Variants in TMEFF2 observed in about 807,000 individuals in gnomAD.
TMEFF2 encodes transmembrane protein with EGF like and two follistatin like domains 2, also known as tomoregulin-2.
Under a neutral mutation model 53.8 loss-of-function variants are expected in TMEFF2, and 28 were observed. The observed-to-expected ratio is 0.52, with a 90% confidence interval of 0.39 to 0.71. TMEFF2 has a LOEUF of 0.71. Among genes scored for constraint, TMEFF2 ranks in the 30% least tolerant of loss-of-function variants. The pLI is 0.00. For missense variants in TMEFF2, 353 were observed against 455.2 expected (o/e 0.78, Z 2.04); for synonymous variants, 162 against 166.3 (o/e 0.97, Z 0.20).
chr2:192,038,067 C>G (rs1338864643), intron 5 of TMEFF2: 1 of 152,196 alleles, frequency 6.6e-6, no homozygotes, highest in Non-Finnish European at 1.5e-5. Flanking sequence ...CACATGACTT[C>G]ATATATGTTC....
chr2:191,994,297 G>T (rs892966938), intron 7 of TMEFF2, among the ~76,000 whole-genome samples: 2 of 151,760 alleles, frequency 1.3e-5, no homozygotes, highest in Admixed American at 1.3e-4. Flanking sequence ...TCCAAACTCT[G>T]AAAACTGGTG....
At chr2:192,062,978 T>G (rs56232931) in intron 4 of TMEFF2, among the ~76,000 whole-genome samples, 50,304 of 151,444 alleles carry the variant, frequency 0.33, 8,641 homozygotes, top group Middle Eastern at 0.38. Context: ...GTTTTTTTTT[T>G]TTGTTGTTGT....
At chr2:192,183,427 T>C (rs1380541581) in intron 3 of TMEFF2, among the ~76,000 whole-genome samples, 1 of 152,076 alleles carries the variant, frequency 6.6e-6, no homozygotes, top group African/African-American at 2.4e-5. Flanking sequence ...TTTGAATAAA[T>C]AGACTTTTCA....
intron 4 of TMEFF2, among the ~76,000 whole-genome samples, chr2:192,165,993 T>G (rs554282213): frequency 2.7e-4 from 41 of 152,272 alleles, no homozygotes; most frequent in Non-Finnish European, 5.0e-4. Context: ...ATTTGCCCAG[T>G]CCTCGGGTGT....
intron 4 of TMEFF2, among the ~76,000 whole-genome samples, chr2:192,068,761 G>A (rs1473193560): frequency 6.6e-6 from 1 of 151,770 alleles, no homozygotes; most frequent in African/African-American, 2.4e-5. Context: ...CTTCTAAGTC[G>A]AGGTAAAGAA....
Position 192,057,782 on chromosome 2 carries a change from G to A in TMEFF2, c.440-7C>T. 1 of 1,609,596 alleles carries A rather than the reference G, an allele frequency of 6.2e-7. No individual in the cohort carries two copies. ...TCTCCAGAGCCTTCATGGACTGTAG[G>A]ACAGAAAAACAGTAAAAGGAATTCA... On this transcript the variant is annotated splice_polypyrimidine_tract_variant and splice_region_variant and intron_variant, in intron 4 of 9. Coordinates refer to ENST00000272771, the MANE Select transcript of TMEFF2 (RefSeq NM_016192.4).
At chr2:192,119,706 T>C (rs1689502294) in intron 4 of TMEFF2, among the ~76,000 whole-genome samples, 1 of 152,206 alleles carries the variant, frequency 6.6e-6, no homozygotes, top group African/African-American at 2.4e-5. Context: ...TGCTTTAACT[T>C]TGACAGTACA....
chr2:192,034,368 G>A (rs1399753138), intron 5 of TMEFF2, among the ~76,000 whole-genome samples: 1 of 151,974 alleles, frequency 6.6e-6, no homozygotes, highest in Non-Finnish European at 1.5e-5. Context: ...CAAAGATTGA[G>A]CTGAAAAATA....
intron 4 of TMEFF2, among the ~76,000 whole-genome samples, chr2:192,107,027 CG>C (rs1378588110): frequency 6.6e-6 from 1 of 151,400 alleles, no homozygotes. Flanking sequence ...GTAAAATGTA[CG>C]GTTTATTTTA....
intron 7 of TMEFF2, among the ~76,000 whole-genome samples, chr2:191,961,596 T>G (rs1692275685): frequency 6.6e-6 from 1 of 152,186 alleles, no homozygotes; most frequent in South Asian, 2.1e-4. Context: ...CTGTTCTCCT[T>G]ATATTTACAT....
chr2:192,127,854 C>G (rs1335749101), intron 4 of TMEFF2, among the ~76,000 whole-genome samples: 1 of 152,148 alleles, frequency 6.6e-6, no homozygotes, highest in Non-Finnish European at 1.5e-5. Flanking sequence ...AATGTTCTAT[C>G]TACTCAACTT....
At chr2:191,970,352 C>T (rs1692601277) in intron 7 of TMEFF2, among the ~76,000 whole-genome samples, 1 of 151,848 alleles carries the variant, frequency 6.6e-6, no homozygotes, top group African/African-American at 2.4e-5. Flanking sequence ...AGAATGTAAT[C>T]TTATTTGGAA....
intron 4 of TMEFF2, among the ~76,000 whole-genome samples, chr2:192,137,398 A>G (rs1452624407): frequency 2.6e-5 from 4 of 152,228 alleles, no homozygotes; most frequent in Admixed American, 6.5e-5. Flanking sequence ...AGTGTGCTAC[A>G]AAGTAGGCAG....
intron 4 of TMEFF2, among the ~76,000 whole-genome samples, chr2:192,110,952 T>TTC (rs752319712): frequency 3.9e-5 from 6 of 152,160 alleles, no homozygotes; most frequent in African/African-American, 1.4e-4. Context: ...TTTGCTCTCA[T>TTC]TCTCTCTCTT....
At chr2:192,167,934 GT>G (rs1159099096) in intron 4 of TMEFF2, among the ~76,000 whole-genome samples, 1 of 152,124 alleles carries the variant, frequency 6.6e-6, no homozygotes. Context: ...TTCCCTGACA[GT>G]TCATTCATTC....
At chr2:191,984,330 A>G (rs1480542214) in intron 7 of TMEFF2, among the ~76,000 whole-genome samples, 1 of 152,140 alleles carries the variant, frequency 6.6e-6, no homozygotes, top group East Asian at 1.9e-4. Flanking sequence ...CATATATATG[A>G]TGGGAGGGGT....
chr2:191,998,318 T>C lies in TMEFF2; in HGVS notation c.689A>G (p.Asn230Ser). The C allele has an allele frequency of 1.9e-6, 3 of 1,598,022 alleles. No individual in the cohort carries two copies. Among genetic ancestry groups the C allele is most frequent in the Non-Finnish European group, 2.6e-6 (3 of 1,171,940 alleles). The part of the protein sequence containing the change: ...EVMSLGRCQD[N>S]TTTTTKSEDG... ...TTCAGACTTAGTAGTTGTAGTTGTGTTATCTGTGTTAAAAAATTAACAATA... is the reference window on the plus strand; with the variant it reads ...TTCAGACTTAGTAGTTGTAGTTGTGCTATCTGTGTTAAAAAATTAACAATA... Residue 230 changes from asparagine to serine, a missense_variant, in exon 7 of 10, where the codon AAC (asparagine) becomes AGC (serine). Physicochemically the swap from Asn to Ser is conservative, Grantham distance 46. This residue lies in a region of TMEFF2 where 294 missense variants were observed against 397.3 expected (regional missense o/e 0.74). Transcript: ENST00000272771.
chr2:192,107,749 G>C lies in TMEFF2; in HGVS notation c.440-49974C>G, dbSNP rs186405288. Among the ~76,000 whole-genome samples, 86 of 151,766 alleles carry C rather than the reference G, an allele frequency of 5.7e-4. No individual in the cohort carries two copies. The East Asian group carries it at 0.015, about 27-fold the overall frequency. On this transcript the variant is annotated intron_variant, in intron 4 of 9. Transcript: ENST00000272771. ...TAATTCAAGTGTTTTCTCCACGTATGGCAATGTGAGTATATACACTGCAGT... is the reference window on the plus strand; with the variant it reads ...TAATTCAAGTGTTTTCTCCACGTATCGCAATGTGAGTATATACACTGCAGT...
At chr2:192,051,988 T>C (rs1687784541) in intron 5 of TMEFF2, among the ~76,000 whole-genome samples, 1 of 152,226 alleles carries the variant, frequency 6.6e-6, no homozygotes, top group African/African-American at 2.4e-5. Context: ...ACACTAAGGA[T>C]GTTATACACT....
Sources: gnomAD v4.1 joint callset for allele counts (sites outside exome capture counted in the v4.1 genomes callset) on GRCh38, gnomAD v4.1.1 for gene constraint, gnomAD v4.1.1 regional missense constraint, MANE v1.5 for transcripts, NCBI Gene and HGNC (gene_info 2026-07-23, HGNC 2026-07-21) for gene names.